LTBP1: variants seen among roughly 807,000 people sequenced by gnomAD.
The protein encoded by LTBP1 is latent transforming growth factor beta binding protein 1.
A neutral mutation model predicts 207.6 loss-of-function variants in LTBP1; 129 were observed. The observed-to-expected ratio is 0.62, with a 90% CI of 0.54 to 0.72. LTBP1 has a LOEUF of 0.72. Among genes scored for constraint, LTBP1 ranks in the 30% least tolerant of loss-of-function variants. The pLI is 0.00. For synonymous variants in LTBP1, 963 were observed against 833.7 expected, an observed-to-expected ratio of 1.16 and a Z score of -2.67; for missense variants, 2,281 against 2,217.2, an observed-to-expected ratio of 1.03 and a Z score of -0.58.
chr2:33,036,433 G>A (rs906862703), intron 3 of LTBP1, among the ~76,000 whole-genome samples: 5 of 151,214 alleles, frequency 3.3e-5, no homozygotes, highest in African/African-American at 1.2e-4. Flanking sequence ...GTGTTTTGCT[G>A]TTACAACAGG....
At chr2:33,026,284 A>G (rs915298149) in intron 3 of LTBP1, among the ~76,000 whole-genome samples, 1 of 152,102 alleles carries the variant, frequency 6.6e-6, no homozygotes, top group Non-Finnish European at 1.5e-5. Context: ...ACTCTCTCCC[A>G]GGTTTCTCTT....
chr2:33,000,069 A>G (rs1021581692), intron 2 of LTBP1, among the ~76,000 whole-genome samples: 1 of 134,124 alleles, frequency 7.5e-6, no homozygotes, highest in African/African-American at 2.6e-5. Flanking sequence ...CATTGTTAAC[A>G]AGTTCTCCCA....
intron 26 of LTBP1, among the ~76,000 whole-genome samples, chr2:33,357,251 G>A (rs1325887090): frequency 6.6e-6 from 1 of 152,170 alleles, no homozygotes; most frequent in East Asian, 1.9e-4. Flanking sequence ...GCTTGGTATA[G>A]GTGGTGCCTT....
At chr2:33,236,701 G>T (rs1029742379) in intron 9 of LTBP1, among the ~76,000 whole-genome samples, 1 of 152,176 alleles carries the variant, frequency 6.6e-6, no homozygotes, top group Non-Finnish European at 1.5e-5. Context: ...ACTGTATTAT[G>T]AGTGATGAAG....
chr2:33,146,248 C>A (rs1397117324), intron 5 of LTBP1, among the ~76,000 whole-genome samples: 1 of 152,178 alleles, frequency 6.6e-6, no homozygotes, highest in Non-Finnish European at 1.5e-5. Context: ...CCACTAAGTT[C>A]TTGGGGCTTG....
At chr2:33,130,543 A>G (rs2081716216) in intron 4 of LTBP1, among the ~76,000 whole-genome samples, 2 of 152,108 alleles carry the variant, frequency 1.3e-5, no homozygotes, top group African/African-American at 4.8e-5. Flanking sequence ...TCACATTTTT[A>G]TATTTTTCTC....
At chr2:32,959,619 A>ATTT (rs1378144146) in intron 2 of LTBP1, among the ~76,000 whole-genome samples, 34 of 48,086 alleles carry the variant, frequency 7.1e-4, no homozygotes, top group East Asian at 4.9e-3. Context: ...ATATATATAT[A>ATTT]TATTTTTTTT....
intron 3 of LTBP1, among the ~76,000 whole-genome samples, chr2:33,053,014 G>GA: frequency 6.6e-6 from 1 of 152,072 alleles, no homozygotes; most frequent in Non-Finnish European, 1.5e-5. Flanking sequence ...AGGATTACAG[G>GA]TGCATACCAC....
intron 5 of LTBP1, among the ~76,000 whole-genome samples, chr2:33,143,504 TAG>T (rs954504424): frequency 6.6e-6 from 1 of 152,130 alleles, no homozygotes; most frequent in African/African-American, 2.4e-5. Flanking sequence ...AAGACTATGT[TAG>T]AGTTTAGGGG....
In LTBP1 at chr2:33,293,265, A is replaced by G; in HGVS notation, c.3218A>G (p.Asp1073Gly). 6.2e-7 allele frequency: 1 copy of G among 1,613,386 alleles called. No homozygotes were observed. Among genetic ancestry groups the G allele is most frequent in the Non-Finnish European group, 8.5e-7 (1 of 1,179,846 alleles). Reference sequence around the variant, plus strand: ...CACAAAGGCTATACCCGGACTCCGGACCACAAGCACTGTAGAGGTAAATAC... The same window carrying G: ...CACAAAGGCTATACCCGGACTCCGGGCCACAAGCACTGTAGAGGTAAATAC... ...SCHKGYTRTP[D>G]HKHCRDIDEC... Residue 1073 changes from aspartate to glycine, a missense_variant, in exon 20 of 34, where the codon GAC becomes GGC. Physicochemically the swap from Asp to Gly is moderately conservative, Grantham distance 94 (BLOSUM62 -1). Coordinates refer to ENST00000404816, the MANE Select transcript of LTBP1 (RefSeq NM_206943.4).
chr2:32,947,915 C>T (rs946432877), intron 1 of LTBP1, 97 bp downstream of exon 1: 4 of 1,132,386 alleles, frequency 3.5e-6, no homozygotes, highest in Non-Finnish European at 4.5e-6. Context: ...CCGCGGTGGC[C>T]AGGGCGGTCG....
At chr2:32,993,641 T>G in intron 2 of LTBP1, among the ~76,000 whole-genome samples, 1 of 152,176 alleles carries the variant, frequency 6.6e-6, no homozygotes, top group East Asian at 1.9e-4. Flanking sequence ...TTGAGTGGGC[T>G]TTTGTTTTAC....
At chr2:33,355,346 G>A (rs941002158) in intron 26 of LTBP1, among the ~76,000 whole-genome samples, 1 of 152,046 alleles carries the variant, frequency 6.6e-6, no homozygotes, top group Non-Finnish European at 1.5e-5. Context: ...ATCCACAGAT[G>A]CTCAAGTCCC....
At chr2:33,173,840 G>C (rs1229640963) in intron 5 of LTBP1, among the ~76,000 whole-genome samples, 1 of 145,078 alleles carries the variant, frequency 6.9e-6, no homozygotes, top group Non-Finnish European at 1.5e-5. Context: ...GGGATGCAAG[G>C]CTGGTTCAAT....
chr2:33,292,539 G>T (rs1157000366), intron 19 of LTBP1, among the ~76,000 whole-genome samples: 2 of 152,198 alleles, frequency 1.3e-5, no homozygotes, highest in African/African-American at 4.8e-5. Context: ...ATGCCCACAT[G>T]TAGCAAGTGC....
chr2:33,171,066 CAG>C (rs2085392347), intron 5 of LTBP1, among the ~76,000 whole-genome samples: 1 of 132,914 alleles, frequency 7.5e-6, no homozygotes, highest in Admixed American at 7.9e-5. Context: ...GGGGAAAAAA[CAG>C]AGCAGAAAAA....
chr2:33,127,272 A>T (rs2081486768), intron 4 of LTBP1, among the ~76,000 whole-genome samples: 1 of 152,048 alleles, frequency 6.6e-6, no homozygotes, highest in Non-Finnish European at 1.5e-5. Flanking sequence ...CGTGAAGTGT[A>T]ATAAGTCATT....
At chr2:33,033,833 A>G (rs896357772) in intron 3 of LTBP1, among the ~76,000 whole-genome samples, 1 of 152,214 alleles carries the variant, frequency 6.6e-6, no homozygotes, top group Non-Finnish European at 1.5e-5. Context: ...AAAACTTGAA[A>G]AAACTTCAAC....
intron 22 of LTBP1, among the ~76,000 whole-genome samples, chr2:33,301,932 C>T (rs1383443360): frequency 6.6e-6 from 1 of 152,180 alleles, no homozygotes; most frequent in Non-Finnish European, 1.5e-5. Context: ...GTACATAGTT[C>T]TGAACTGTAA....
Sources: allele counts gnomAD v4.1 joint callset (sites outside exome capture counted in the v4.1 genomes callset), GRCh38; gene constraint gnomAD v4.1.1; transcripts MANE v1.5; gene names NCBI Gene and HGNC (gene_info 2026-07-23, HGNC 2026-07-21).